The following SLC5A9 variants were observed in gnomAD, a reference collection of about 807,000 sequenced individuals.
The protein encoded by SLC5A9 is sodium/glucose cotransporter 4.
A neutral mutation model predicts 70.9 loss-of-function variants in SLC5A9; 59 were observed. The observed-to-expected ratio is 0.83, with a 90% CI of 0.68 to 1.03. The LOEUF (loss-of-function observed/expected upper bound fraction) is 1.03. Ranked by LOEUF, SLC5A9 falls within the 50% of genes least tolerant of loss-of-function variation. SLC5A9 has a pLI of 0.00. For synonymous variants in SLC5A9, 340 were observed against 346.5 expected (o/e 0.98, Z 0.21); for missense variants, 832 against 881.1 (o/e 0.94, Z 0.71).
chr1:48,226,303 G>A (rs1019439729), intron 2 of SLC5A9, among the ~76,000 whole-genome samples: 2 of 152,196 alleles, frequency 1.3e-5, no homozygotes, highest in African/African-American at 4.8e-5. Context: ...GAAGCCCAGG[G>A]GCCCTGCTGA....
At chr1:48,230,750 A>G in intron 5 of SLC5A9, 45 bp downstream of exon 5, 1 of 1,410,506 alleles carries the variant, frequency 7.1e-7, no homozygotes, top group South Asian at 1.2e-5. Flanking sequence ...TGACTGGCAG[A>G]GACCCAGAGA....
At chr1:48,238,450 C>T (rs1644356151) in intron 11 of SLC5A9, 1 of 152,278 alleles carries the variant, frequency 6.6e-6, no homozygotes, top group Non-Finnish European at 1.5e-5. Flanking sequence ...CTGACAGAAT[C>T]TGGGAGGAAG....
chr1:48,231,716 C>T, intron 6 of SLC5A9, 91 bp downstream of exon 6: 1 of 1,555,300 alleles, frequency 6.4e-7, no homozygotes, highest in African/African-American at 1.4e-5. Context: ...TGAAACTTTC[C>T]AGTGCATAGA....
At position 48,247,500 on chromosome 1, in the gene SLC5A9, T is replaced by G; in HGVS notation, c.2003T>G (p.Leu668Arg). 6.2e-7 allele frequency: 1 copy of G among 1,614,210 alleles called. No individual in the cohort carries two copies. Among genetic ancestry groups the G allele is most frequent in the Non-Finnish European group, 8.5e-7 (1 of 1,180,034 alleles). Reference sequence around the variant, plus strand: ...CATGTCTGCAACATCAATGCTGTCCTTTTGCTGGCCATCAACATCTTCCTC... The same window carrying G: ...CATGTCTGCAACATCAATGCTGTCCGTTTGCTGGCCATCAACATCTTCCTC... ...WRHVCNINAV[L>R]LLAINIFLWG... The change falls in exon 14 of 14, where the codon CTT becomes CGT. Residue 668 changes from leucine (L) to arginine (R), a missense_variant. Transcript: ENST00000438567.
intron 1 of SLC5A9, among the ~76,000 whole-genome samples, chr1:48,224,222 G>A (rs1306711366): frequency 6.6e-6 from 1 of 152,172 alleles, no homozygotes; most frequent in African/African-American, 2.4e-5. Flanking sequence ...TCAACCCAGG[G>A]CAAGGGAAAC....
In SLC5A9 at chr1:48,247,762, T is replaced by C; in HGVS notation, c.*219T>C. On this transcript the variant is annotated 3_prime_UTR_variant, in exon 14 of 14. Coordinates refer to ENST00000438567, the MANE Select transcript of SLC5A9 (RefSeq NM_001011547.3). ...GGTTTGTTCAGGACCACCCAGAAGG[T>C]GTCACACGGGGTTTCCCCACTCTTT... 1 of 587,716 alleles carries C rather than the reference T, an allele frequency of 1.7e-6. No individual in the cohort carries two copies. Among genetic ancestry groups the C allele is most frequent in the Non-Finnish European group, 3.0e-6 (1 of 330,218 alleles). 36.4% of individuals were successfully genotyped at this position (587,716 alleles called of 1,614,324 possible). A position where few individuals can be genotyped will look rare whatever the true frequency, so the allele number is the denominator to read the frequency against.
intron 13 of SLC5A9, among the ~76,000 whole-genome samples, chr1:48,244,910 A>ATATATATAT (rs56780309): frequency 4.1e-3 from 448 of 110,498 alleles, no homozygotes; most frequent in Non-Finnish European, 6.0e-3. Context: ...ATATATATAT[A>ATATATATAT]AAACCTCTGT....
Position 48,232,022 on chromosome 1 carries a change from C to T in SLC5A9, c.768C>T (p.Asn256=), listed in dbSNP as rs143429369. 3 of 1,614,092 alleles carry T rather than the reference C, an allele frequency of 1.9e-6. No homozygotes were observed. Among genetic ancestry groups the T allele is most frequent in the Non-Finnish European group, 2.5e-6 (3 of 1,180,052 alleles). The part of the protein sequence containing the change: ...RQAIPNVTVP[N]TTCHLPRPDA... The stretch of plus-strand genomic sequence containing the variant: ...CCATCCCTAATGTCACAGTCCCCAA[C>T]ACCACCTGTCACCTCCCACGGCCCG... The change falls in exon 7 of 14, where the codon AAC becomes AAT. Residue 256 remains asparagine (N), a synonymous_variant. Transcript: ENST00000438567.
At chr1:48,222,929 G>A (rs1273730405) in intron 1 of SLC5A9, 31 bp downstream of exon 1, 2 of 1,611,656 alleles carry the variant, frequency 1.2e-6, no homozygotes, top group Non-Finnish European at 1.7e-6. Context: ...GGGCTAGCAG[G>A]GGAGGTAGTA....
At chr1:48,224,117 G>C (rs1376562228) in intron 1 of SLC5A9, among the ~76,000 whole-genome samples, 4 of 152,190 alleles carry the variant, frequency 2.6e-5, no homozygotes, top group Admixed American at 2.6e-4. Flanking sequence ...CCCTCACCCT[G>C]TATCTCCAGA....
rs1317537522 is a variant in SLC5A9 at position 48,239,685 on chromosome 1, T to C, written c.1677+148T>C. Reference sequence around the variant, plus strand: ...TTGGGAGGGAAAGTGCCTTGGGCTATGAATTCCCCATTGAAAAGTAATTCA... The same window carrying C: ...TTGGGAGGGAAAGTGCCTTGGGCTACGAATTCCCCATTGAAAAGTAATTCA... On this transcript the variant is annotated intron_variant, in intron 12 of 13. Coordinates refer to ENST00000438567, the MANE Select transcript of SLC5A9 (RefSeq NM_001011547.3). The surrounding 1 kb of genome is among the most constrained non-coding windows in gnomAD (Gnocchi z 4.2). 7.0e-6 allele frequency: 5 copies of C among 716,546 alleles called. No homozygotes were observed. Among genetic ancestry groups the C allele is most frequent in the South Asian group, 1.8e-5 (1 of 56,562 alleles). 44.4% of individuals were successfully genotyped at this position (716,546 alleles called of 1,614,324 possible).
rs1644481510 is a variant in SLC5A9 at position 48,248,322 on chromosome 1, G to A, written c.*779G>A. ...CATGTTACTCTGTATTTAAGGGTAA[G>A]CCCCACAGCGGGCAGCACAAACAGC... On this transcript the variant is annotated 3_prime_UTR_variant, in exon 14 of 14. Transcript: ENST00000438567. The A allele has an allele frequency of 6.6e-6, 1 of 152,330 alleles. No individual in the cohort carries two copies. The highest frequency in any genetic ancestry group is 2.1e-4 in the South Asian group (1 of 4,836). 9.4% of individuals were successfully genotyped at this position (152,330 alleles called of 1,614,324 possible). A position where few individuals can be genotyped will look rare whatever the true frequency, so the allele number is the denominator to read the frequency against.
rs1644289501 is a variant in SLC5A9 at position 48,233,729 on chromosome 1, T to C, written c.1108T>C (p.Tyr370His). 6.2e-7 allele frequency: 1 copy of C among 1,613,944 alleles called. No homozygotes were observed. The highest frequency in any genetic ancestry group is 1.3e-5 in the African/African-American group (1 of 74,906). Residue 370 changes from tyrosine to histidine, a missense_variant, in exon 9 of 14, where the codon TAC becomes CAC. By Grantham distance (83) the Tyr-to-His change is moderately conservative. Transcript: ENST00000438567. ...GARVGCSNIAYPKLVMALMPV... is the reference protein window; with the variant it reads ...GARVGCSNIAHPKLVMALMPV... ...CCGAGTGGGATGTTCCAACATTGCC[T>C]ACCCTAAGTTGGTCATGGCCCTCAT...
rs779408147 is a variant in SLC5A9 at position 48,233,643 on chromosome 1, C to A, written c.1034-12C>A. On this transcript the variant is annotated splice_polypyrimidine_tract_variant and intron_variant, in intron 8 of 13. Transcript: ENST00000438567. ...AGATCACGGACTCTAACTGCCATTA[C>A]TTCTTCCACAGACGAGGTGGGCTGC... 1.2e-6 allele frequency: 2 copies of A among 1,611,298 alleles called. No individual in the cohort carries two copies. Among genetic ancestry groups the A allele is most frequent in the Non-Finnish European group, 1.7e-6 (2 of 1,177,704 alleles).
chr1:48,242,903 C>A (rs1644408968), intron 13 of SLC5A9, among the ~76,000 whole-genome samples: 1 of 152,050 alleles, frequency 6.6e-6, no homozygotes. Flanking sequence ...ACAGAGGTAC[C>A]CATCCAGTCA....
chr1:48,229,100 C>T, intron 3 of SLC5A9, 146 bp downstream of exon 3: 1 of 1,614,102 alleles, frequency 6.2e-7, no homozygotes, highest in African/African-American at 1.3e-5. Context: ...ATCCATTTCA[C>T]AGATGAGGAA....
chr1:48,246,977 C>T (rs1002449523), intron 13 of SLC5A9, among the ~76,000 whole-genome samples: 28 of 152,192 alleles, frequency 1.8e-4, no homozygotes, highest in Admixed American at 1.8e-3. Flanking sequence ...TGAGATAATG[C>T]TCCTTCCTTC....
chr1:48,244,910 A>ATATATATATATATAT (rs56780309), intron 13 of SLC5A9, among the ~76,000 whole-genome samples: 403 of 110,480 alleles, frequency 3.6e-3, no homozygotes, highest in African/African-American at 4.2e-3. Context: ...ATATATATAT[A>ATATATATATATATAT]AAACCTCTGT....
chr1:48,224,520 C>A (rs1465060817), intron 1 of SLC5A9, among the ~76,000 whole-genome samples: 1 of 152,144 alleles, frequency 6.6e-6, no homozygotes, highest in Admixed American at 6.5e-5. Flanking sequence ...AGATGAATGG[C>A]GAGGCTCACA....
Sources: gnomAD v4.1 joint callset for allele counts (sites outside exome capture counted in the v4.1 genomes callset) on GRCh38, gnomAD v4.1.1 for gene constraint, Gnocchi (gnomAD v3.1) non-coding constraint, MANE v1.5 for transcripts, NCBI Gene and HGNC (gene_info 2026-07-23, HGNC 2026-07-21) for gene names.